CEP97: variants seen among roughly 807,000 people sequenced by gnomAD.
The protein encoded by CEP97 is centrosomal protein 97, also known as centrosomal protein of 97 kDa.
Under a neutral mutation model 73.1 loss-of-function variants are expected in CEP97, and 43 were observed. The observed-to-expected ratio is 0.59, with a 90% CI of 0.46 to 0.76. The LOEUF is 0.76. Ranked by LOEUF, CEP97 falls within the 30% of genes least tolerant of loss-of-function variation. The probability of loss-of-function intolerance (pLI) is 0.00; values close to 1 mark genes in which losing one functional copy is unlikely to be tolerated. For missense variants in CEP97, 939 were observed against 1,014.0 expected, an observed-to-expected ratio of 0.93 and a Z score of 1.00; for synonymous variants, 337 against 370.0, an observed-to-expected ratio of 0.91 and a Z score of 1.02.
chr3:101,755,895 C>A (rs142735226), intron 7 of CEP97, among the ~76,000 whole-genome samples: 1 of 152,126 alleles, frequency 6.6e-6, no homozygotes, highest in African/African-American at 2.4e-5. Flanking sequence ...TGCATGCCAC[C>A]ATGGTTGGCT....
chr3:101,725,238 C>T (rs1480281458), intron 1 of CEP97, among the ~76,000 whole-genome samples: 1 of 152,200 alleles, frequency 6.6e-6, no homozygotes, highest in Non-Finnish European at 1.5e-5. Flanking sequence ...CAGTTCTGTA[C>T]TCCTTGTTCT....
At chr3:101,740,811 A>G (rs1437755477) in intron 6 of CEP97, among the ~76,000 whole-genome samples, 1 of 151,436 alleles carries the variant, frequency 6.6e-6, no homozygotes, top group Middle Eastern at 3.4e-3. Flanking sequence ...CTGGTCTTGA[A>G]CTCCCTACCT....
chr3:101,760,858 T>C (rs1358549486), intron 9 of CEP97, among the ~76,000 whole-genome samples: 1 of 146,632 alleles, frequency 6.8e-6, no homozygotes. Flanking sequence ...TTTTTATTTT[T>C]TATCTAAAAA....
chr3:101,758,514 A>G (rs761511356), intron 9 of CEP97, 91 bp downstream of exon 9: 50 of 1,466,936 alleles, frequency 3.4e-5, no homozygotes, highest in South Asian at 9.8e-5. Context: ...TTCTGTGATT[A>G]TAACACTTTT....
chr3:101,754,520 T>A lies in CEP97; in HGVS notation c.729-910T>A, dbSNP rs550380645. Among the ~76,000 whole-genome samples the A allele has an allele frequency of 5.9e-5, 9 of 152,288 alleles. No individual in the cohort carries two copies. The South Asian group carries it at 1.5e-3, about 25-fold the overall frequency. On this transcript the variant is annotated intron_variant, in intron 6 of 10. Transcript: ENST00000341893. ...TGTTTAGTGTCTTAAAGCAGCAGTATATTATTATGGCATACTCTGTAGATT... is the reference window on the plus strand; with the variant it reads ...TGTTTAGTGTCTTAAAGCAGCAGTAAATTATTATGGCATACTCTGTAGATT...
chr3:101,736,288 G>C (rs1054047099), intron 6 of CEP97, among the ~76,000 whole-genome samples: 1 of 152,214 alleles, frequency 6.6e-6, no homozygotes, highest in Admixed American at 6.5e-5. Context: ...AGGCTTAAAT[G>C]TTCCTGCCTC....
intron 5 of CEP97, 26 bp from the exon 6 acceptor site, chr3:101,732,461 GT>G (rs772072275): frequency 6.4e-7 from 1 of 1,561,614 alleles, no homozygotes; most frequent in Non-Finnish European, 8.8e-7. Context: ...TAGTCCTTTT[GT>G]TCAACAAAGA....
chr3:101,736,423 G>A (rs1368256479), intron 6 of CEP97, among the ~76,000 whole-genome samples: 9 of 152,170 alleles, frequency 5.9e-5, no homozygotes, highest in Admixed American at 1.3e-4. Context: ...TCCCAGCAAC[G>A]GTTGACAGAC....
intron 6 of CEP97, among the ~76,000 whole-genome samples, chr3:101,734,360 T>G (rs1175767603): frequency 4.6e-5 from 7 of 152,178 alleles, no homozygotes; most frequent in Non-Finnish European, 2.9e-5. Flanking sequence ...TCTACTATGC[T>G]TCATTTAACT....
chr3:101,748,173 G>T (rs1365774949), intron 6 of CEP97, among the ~76,000 whole-genome samples: 4 of 143,978 alleles, frequency 2.8e-5, no homozygotes, highest in African/African-American at 1.0e-4. Context: ...TGTTAGAGCT[G>T]AATGAGTCTT....
rs780422945 is a variant in CEP97 at position 101,758,339 on chromosome 3, A to G, written c.1733A>G (p.Asn578Ser). ...CWRGFYARNY[N>S]PQAKDVRYEI... ...CGGGGATTTTATGCCAGGAACTACA[A>G]CCCTCAAGCCAAAGATGTGCGTTAC... The change falls in exon 9 of 11, where the codon AAC (asparagine) becomes AGC (serine). Residue 578 changes from asparagine (N) to serine (S), a missense_variant. Physicochemically the swap from Asn to Ser is conservative, Grantham distance 46 (BLOSUM62 1). Transcript: ENST00000341893. The G allele has an allele frequency of 5.6e-6, 9 of 1,614,150 alleles. No individual in the cohort carries two copies. Among genetic ancestry groups the G allele is most frequent in the African/African-American group, 1.3e-5 (1 of 75,026 alleles).
chr3:101,741,348 T>C (rs1576683867), intron 6 of CEP97, among the ~76,000 whole-genome samples: 2 of 152,294 alleles, frequency 1.3e-5, no homozygotes, highest in South Asian at 4.1e-4. Flanking sequence ...ATTCAGGACA[T>C]AGGCATGGGC....
In CEP97 at chr3:101,763,195, C is replaced by T; in HGVS notation, c.1893+635C>T. 5.6e-6 allele frequency: 7 copies of T among 1,241,988 alleles called. No individual in the cohort carries two copies. The South Asian group carries it at 6.9e-5, about 12-fold the overall frequency. The allele number at this position is 1,241,988 out of a possible 1,614,324, so 76.9% of individuals were successfully genotyped here. A position where few individuals can be genotyped will look rare whatever the true frequency, so the allele number is the denominator to read the frequency against. ...CTCCTCAGCCTCCCAAAGTGAGCCA[C>T]ATCACCTGGCCAAATTTGTTATAAT... On this transcript the variant is annotated intron_variant, in intron 10 of 10. Transcript: ENST00000341893.
rs1939390130 is a variant in CEP97, at chr3:101,768,996, T to A, written c.*3445T>A. 6.6e-6 allele frequency: 1 copy of A among 152,232 alleles called. No individual in the cohort carries two copies. Among genetic ancestry groups the A allele is most frequent in the South Asian group, 2.1e-4 (1 of 4,834 alleles). The allele number at this position is 152,232 out of a possible 1,614,324, so 9.4% of individuals were successfully genotyped here. On this transcript the variant is annotated 3_prime_UTR_variant, in exon 11 of 11. Coordinates refer to ENST00000341893, the MANE Select transcript of CEP97 (RefSeq NM_024548.4). ...TTTGTATATATGTAAATAACTTTATTCTGGAATAATGTGGGTGCCATCTTG... is the reference window on the plus strand; with the variant it reads ...TTTGTATATATGTAAATAACTTTATACTGGAATAATGTGGGTGCCATCTTG...
At position 101,757,717 on chromosome 3, in the gene CEP97, T is replaced by A. The variant is rs1174945578; in HGVS notation, c.1111T>A (p.Ser371Thr). The A allele has an allele frequency of 1.2e-6, 2 of 1,614,224 alleles. No homozygotes were observed. Among genetic ancestry groups the A allele is most frequent in the East Asian group, 4.5e-5 (2 of 44,894 alleles). ...TGCGGTTAAGAATAATTTTCCAGCC[T>A]CTGTACACACTACGAGATATTCTCG... ...LFAVKNNFPA[S>T]VHTTRYSRND... Residue 371 changes from serine (S) to threonine (T), a missense_variant, in exon 9 of 11, where the codon TCT (serine) becomes ACT (threonine). Coordinates refer to ENST00000341893, the MANE Select transcript of CEP97 (RefSeq NM_024548.4).
At chr3:101,733,645 C>T (rs1347050142) in intron 6 of CEP97, among the ~76,000 whole-genome samples, 1 of 151,098 alleles carries the variant, frequency 6.6e-6, no homozygotes, top group African/African-American at 2.4e-5. Context: ...ATTCTCCTGC[C>T]TCAGCCTCCC....
At chr3:101,737,882 G>T (rs1048861565) in intron 6 of CEP97, among the ~76,000 whole-genome samples, 1 of 151,946 alleles carries the variant, frequency 6.6e-6, no homozygotes. Flanking sequence ...CCAATTAAAA[G>T]ACATAGACTG....
chr3:101,761,513 C>G (rs1410000048), intron 9 of CEP97, among the ~76,000 whole-genome samples: 3 of 152,052 alleles, frequency 2.0e-5, no homozygotes. Context: ...CAGTACTTGA[C>G]AACGAATTTT....
intron 6 of CEP97, among the ~76,000 whole-genome samples, chr3:101,752,762 T>C (rs1576693649): frequency 6.6e-6 from 1 of 152,206 alleles, no homozygotes; most frequent in African/African-American, 2.4e-5. Context: ...TTTAAGCACT[T>C]CTCTGTATTG....
Sources: gnomAD v4.1 joint callset for allele counts (sites outside exome capture counted in the v4.1 genomes callset) on GRCh38, gnomAD v4.1.1 for gene constraint, MANE v1.5 for transcripts, NCBI Gene and HGNC (gene_info 2026-07-23, HGNC 2026-07-21) for gene names.